DPEP1: variants seen among roughly 807,000 people sequenced by gnomAD.
DPEP1 encodes the protein beta-lactamase.
A neutral mutation model predicts 42.3 loss-of-function variants in DPEP1; 50 were observed. The observed-to-expected ratio is 1.18, with a 90% CI of 0.94 to 1.50. The LOEUF (loss-of-function observed/expected upper bound fraction) is 1.50, where lower values mean the gene tolerates loss of function less well. DPEP1 is among the 40% of genes most tolerant of loss of function. DPEP1 has a pLI of 0.00. For missense variants in DPEP1, 663 were observed against 553.0 expected (o/e 1.20, Z -1.99); for synonymous variants, 297 against 234.0 (o/e 1.27, Z -2.46).
rs199909597 is a variant in DPEP1, at chr16:89,638,078, G to A, written c.1092G>A (p.Glu364=). 1.2e-6 allele frequency: 2 copies of A among 1,612,264 alleles called. No homozygotes were observed. Among genetic ancestry groups the A allele is most frequent in the Admixed American group, 3.3e-5 (2 of 59,998 alleles). ...EQASNLTQAP[E]EEPIPLDQLG... ...CCAGCAACCTCACACAGGCTCCCGA[G>A]GAGGAGCCCATCCCGCTGGACCAGC... Residue 364 remains glutamate (E), a synonymous_variant, in exon 11 of 11, where the codon GAG becomes GAA. Transcript: ENST00000690203.
chr16:89,638,576 C>T (rs2059714086), downstream of DPEP1: 9 of 884,964 alleles, frequency 1.0e-5, no homozygotes, highest in South Asian at 2.0e-4. Flanking sequence ...GTGAAAAGGG[C>T]TTTGTAGAGA....
intron 1 of DPEP1, among the ~76,000 whole-genome samples, chr16:89,625,837 C>T (rs1332936848): frequency 3.9e-5 from 6 of 152,124 alleles, no homozygotes; most frequent in African/African-American, 7.2e-5. Context: ...ACTTGACAGA[C>T]GAAGAGACTG....
intron 1 of DPEP1, among the ~76,000 whole-genome samples, chr16:89,617,165 A>C (rs1374416835): frequency 6.6e-6 from 1 of 152,194 alleles, no homozygotes; most frequent in Non-Finnish European, 1.5e-5. Context: ...TAGAATTGCC[A>C]GGAATCAAGA....
chr16:89,617,527 C>A (rs1009689440), intron 1 of DPEP1, among the ~76,000 whole-genome samples: 2 of 151,878 alleles, frequency 1.3e-5, no homozygotes, highest in Non-Finnish European at 2.9e-5. Context: ...GGACAGGAGC[C>A]CACACCTGTG....
At chr16:89,615,231 C>G (rs141363397) in intron 1 of DPEP1, among the ~76,000 whole-genome samples, 1 of 152,202 alleles carries the variant, frequency 6.6e-6, no homozygotes, top group Non-Finnish European at 1.5e-5. Flanking sequence ...TTCAGGGGGA[C>G]GTAGGCTGCG....
intron 1 of DPEP1, among the ~76,000 whole-genome samples, chr16:89,616,019 G>C (rs1431688974): frequency 6.6e-6 from 1 of 152,010 alleles, no homozygotes; most frequent in Admixed American, 6.5e-5. Flanking sequence ...GTTTCAGTGA[G>C]CTGAGATCAC....
At position 89,637,350 on chromosome 16, in the gene DPEP1, C is replaced by G. The variant is rs903635171; in HGVS notation, c.738C>G (p.Arg246=). ...SSAYSVCASR[R]NVPDDVLRLV... is the part of the protein sequence containing the mutation. Reference sequence around the variant, plus strand: ...CCTACAGCGTGTGCGCAAGCCGGCGCAACGTGCCTGACGACGTCCTGAGGC... The same window carrying G: ...CCTACAGCGTGTGCGCAAGCCGGCGGAACGTGCCTGACGACGTCCTGAGGC... Residue 246 remains arginine (R), a synonymous_variant, in exon 7 of 11, where the codon CGC becomes CGG. Coordinates refer to ENST00000690203, the MANE Select transcript of DPEP1 (RefSeq NM_001389466.1). 5 of 1,612,278 alleles carry G rather than the reference C, an allele frequency of 3.1e-6. No homozygotes were observed. The South Asian group carries it at 5.5e-5, about 18-fold the overall frequency.
At chr16:89,614,319 G>T (rs2059360346) in intron 1 of DPEP1, among the ~76,000 whole-genome samples, 1 of 152,172 alleles carries the variant, frequency 6.6e-6, no homozygotes. Context: ...TTGGGACTCA[G>T]CTCACGTACC....
At chr16:89,636,959 T>A in intron 6 of DPEP1, 24 bp downstream of exon 6, 1 of 1,609,034 alleles carries the variant, frequency 6.2e-7, no homozygotes, top group Non-Finnish European at 8.5e-7. Context: ...GAGCGGCCAG[T>A]CACCCCCGAG....
chr16:89,622,692 G>A (rs1400650434), intron 1 of DPEP1, among the ~76,000 whole-genome samples: 2 of 151,752 alleles, frequency 1.3e-5, no homozygotes, highest in African/African-American at 2.4e-5. Flanking sequence ...GCTGAGGCAG[G>A]AGAATCGCTT....
chr16:89,633,064 G>A (rs950880396), intron 2 of DPEP1, among the ~76,000 whole-genome samples: 5 of 152,164 alleles, frequency 3.3e-5, no homozygotes, highest in Admixed American at 2.0e-4. Context: ...TCTGAGATGG[G>A]CCGCCTGCGT....
intron 4 of DPEP1, 32 bp downstream of exon 4, chr16:89,636,428 G>A (rs926620494): frequency 6.2e-7 from 1 of 1,602,338 alleles, no homozygotes; most frequent in South Asian, 1.1e-5. Flanking sequence ...TCCAGGTCCT[G>A]CGTCTTCTCA....
At chr16:89,637,602 C>T (rs370345212) in intron 8 of DPEP1, 30 bp from the exon 9 acceptor site, 34 of 1,612,654 alleles carry the variant, frequency 2.1e-5, no homozygotes, top group African/African-American at 8.0e-5. Context: ...GGGCCTCACT[C>T]GGGACCCATA....
chr16:89,628,357 A>G (rs2059544424), intron 1 of DPEP1, among the ~76,000 whole-genome samples: 1 of 148,246 alleles, frequency 6.7e-6, no homozygotes, highest in South Asian at 2.1e-4. Context: ...TCCCGGATTC[A>G]AGCGATTCTC....
intron 3 of DPEP1, 29 bp downstream of exon 3, chr16:89,636,069 C>T: frequency 6.3e-7 from 1 of 1,591,194 alleles, no homozygotes; most frequent in African/African-American, 1.3e-5. Flanking sequence ...TGTGCTTGCC[C>T]TGTGTGGGGT....
At chr16:89,635,458 C>T (rs2059664453) in intron 2 of DPEP1, among the ~76,000 whole-genome samples, 1 of 152,180 alleles carries the variant, frequency 6.6e-6, no homozygotes, top group South Asian at 2.1e-4. Flanking sequence ...CAGGCCGTTC[C>T]AATTACCCAG....
At chr16:89,616,876 A>AAGCGGCCGGGAAGCAGGCAGAG (rs2059383692) in intron 1 of DPEP1, 1 of 242,134 alleles carries the variant, frequency 4.1e-6, no homozygotes, top group African/African-American at 2.4e-5. Context: ...AGTGGGCAGG[A>AAGCGGCCGGGAAGCAGGCAGAG]AGCGGCCGGG....
downstream of DPEP1, among the ~76,000 whole-genome samples, chr16:89,638,989 A>C (rs1000632914): frequency 1.5e-3 from 15 of 9,964 alleles, no homozygotes; most frequent in Admixed American, 2.8e-3. Flanking sequence ...CACACACCCC[A>C]CCCCTGCACA....
Position 89,636,681 on chromosome 16 carries a change from C to T in DPEP1, c.519C>T (p.Pro173=). 6.2e-7 allele frequency: 1 copy of T among 1,612,292 alleles called. No homozygotes were observed. The highest frequency in any genetic ancestry group is 8.5e-7 in the Non-Finnish European group (1 of 1,179,862). ...YLTLTHSCNT[P]WADNWLVDTG... is the part of the protein sequence containing the mutation. Reference sequence around the variant, plus strand: ...CCCTCACCCACAGCTGCAACACGCCCTGGTGCGTGACTCCCCATGGGAGGC... The same window carrying T: ...CCCTCACCCACAGCTGCAACACGCCTTGGTGCGTGACTCCCCATGGGAGGC... Residue 173 remains proline (P), a splice_region_variant and synonymous_variant, in exon 5 of 11, where the codon CCC becomes CCT. Coordinates refer to ENST00000690203, the MANE Select transcript of DPEP1 (RefSeq NM_001389466.1).
Sources: gnomAD v4.1 joint callset for allele counts (sites outside exome capture counted in the v4.1 genomes callset) on GRCh38, gnomAD v4.1.1 for gene constraint, MANE v1.5 for transcripts, NCBI Gene and HGNC (gene_info 2026-07-23, HGNC 2026-07-21) for gene names.